TAFA2: variants seen among roughly 807,000 people sequenced by gnomAD.
The protein encoded by TAFA2 is TAFA chemokine like family member 2.
A neutral mutation model predicts 18.8 loss-of-function variants in TAFA2; 7 were observed. The ratio of observed to expected loss-of-function variants is 0.37; its 90% CI spans 0.21 to 0.70. The LOEUF (loss-of-function observed/expected upper bound fraction) is 0.70, where lower values mean the gene tolerates loss of function less well. Ranked by LOEUF, TAFA2 falls within the 30% of genes least tolerant of loss-of-function variation. The pLI is 0.53. For synonymous variants in TAFA2, 60 were observed against 54.2 expected, an observed-to-expected ratio of 1.11 and a Z score of -0.47; for missense variants, 122 against 158.1, an observed-to-expected ratio of 0.77 and a Z score of 1.23.
intron 2 of TAFA2, among the ~76,000 whole-genome samples, chr12:61,850,305 T>A (rs1873589174): frequency 6.6e-6 from 1 of 151,826 alleles, no homozygotes; most frequent in South Asian, 2.1e-4. Flanking sequence ...AATTCAATAA[T>A]TTTTTTTACT....
At chr12:62,066,311 CTTAAGTGTCCTT>C (rs1362258972) in intron 1 of TAFA2, among the ~76,000 whole-genome samples, 4 of 151,832 alleles carry the variant, frequency 2.6e-5, no homozygotes, top group Admixed American at 6.6e-5. Flanking sequence ...TTTAGTTATT[CTTAAGTGTCCTT>C]TTAAGTGTCC....
chr12:62,063,007 T>G (rs1882392411), intron 1 of TAFA2, among the ~76,000 whole-genome samples: 2 of 152,124 alleles, frequency 1.3e-5, no homozygotes, highest in Non-Finnish European at 2.9e-5. Flanking sequence ...TTCACTGCTT[T>G]GATGGACTCA....
chr12:61,941,413 A>G (rs915357349), intron 1 of TAFA2, among the ~76,000 whole-genome samples: 1 of 152,224 alleles, frequency 6.6e-6, no homozygotes, highest in African/African-American at 2.4e-5. Context: ...AGGCAAAACA[A>G]GATCTTGCCA....
intron 2 of TAFA2, among the ~76,000 whole-genome samples, chr12:61,820,932 G>GTGTATCCATAATCAATGGACAGA (rs1872294967): frequency 6.6e-6 from 1 of 151,918 alleles, no homozygotes; most frequent in Non-Finnish European, 1.5e-5. Flanking sequence ...CATTGGACAG[G>GTGTATCCATAATCAATGGACAGA]TGTATCCATA....
intron 1 of TAFA2, among the ~76,000 whole-genome samples, chr12:62,058,008 A>G (rs1419942231): frequency 1.3e-5 from 2 of 152,196 alleles, no homozygotes; most frequent in Non-Finnish European, 2.9e-5. Flanking sequence ...AAATACTTTC[A>G]TTTTGCTCTC....
chr12:61,738,236 C>G (rs1868338818), intron 4 of TAFA2, among the ~76,000 whole-genome samples: 1 of 150,612 alleles, frequency 6.6e-6, no homozygotes, highest in African/African-American at 2.4e-5. Flanking sequence ...CCAGGCTAAC[C>G]TCATCTAAAA....
intron 2 of TAFA2, among the ~76,000 whole-genome samples, chr12:61,764,939 C>A (rs987405866): frequency 2.0e-5 from 3 of 152,020 alleles, no homozygotes; most frequent in African/African-American, 4.8e-5. Flanking sequence ...GTCAATTCCA[C>A]GAGAGAGATC....
At chr12:62,240,794 G>A (rs1297181401) in intron 1 of TAFA2, among the ~76,000 whole-genome samples, 3 of 152,132 alleles carry the variant, frequency 2.0e-5, no homozygotes. Context: ...GTGAGCAGTG[G>A]GCAAGTGAGA....
At chr12:61,770,052 A>C (rs572399132) in intron 2 of TAFA2, among the ~76,000 whole-genome samples, 2 of 152,250 alleles carry the variant, frequency 1.3e-5, no homozygotes, top group South Asian at 4.1e-4. Flanking sequence ...AAAAACAATC[A>C]GAACTTCTGG....
chr12:61,980,931 T>A (rs1412107492), intron 1 of TAFA2, among the ~76,000 whole-genome samples: 3 of 152,192 alleles, frequency 2.0e-5, no homozygotes, highest in African/African-American at 7.2e-5. Flanking sequence ...TACCAATGAC[T>A]TTCTTCGCAG....
intron 4 of TAFA2, among the ~76,000 whole-genome samples, chr12:61,729,578 G>C (rs1429848000): frequency 6.6e-6 from 1 of 151,662 alleles, no homozygotes; most frequent in East Asian, 1.9e-4. Context: ...AGTTGTGATT[G>C]TTTTTTATTT....
Position 61,708,779 on chromosome 12 carries a change from C to T in TAFA2, c.*1627G>A, listed in dbSNP as rs939031569. 2 of 152,084 alleles carry T rather than the reference C, an allele frequency of 1.3e-5. No homozygotes were observed. The highest frequency in any genetic ancestry group is 2.9e-5 in the Non-Finnish European group (2 of 67,980). The allele number at this position is 152,084 out of a possible 1,614,324, so 9.4% of individuals were successfully genotyped here. On this transcript the variant is annotated 3_prime_UTR_variant, in exon 5 of 5. Transcript: ENST00000416284. ...AACCAATTTTACATTTTTAGTTGCT[C>T]TTCCCAGGAAAGTGTCTGAGTAGTG... is the stretch of plus-strand genomic sequence containing the variant.
chr12:62,213,978 A>G (rs1163126297), intron 1 of TAFA2, among the ~76,000 whole-genome samples: 3 of 152,232 alleles, frequency 2.0e-5, no homozygotes, highest in African/African-American at 7.2e-5. Flanking sequence ...TCAAGTTCCC[A>G]GTTTGCATCA....
chr12:61,929,116 C>T (rs533813929), intron 1 of TAFA2, among the ~76,000 whole-genome samples: 22 of 150,990 alleles, frequency 1.5e-4, no homozygotes, highest in Admixed American at 1.3e-3. Flanking sequence ...ATGTAACAAA[C>T]CTGCACGTTC....
At chr12:61,992,450 C>G (rs892324486) in intron 1 of TAFA2, among the ~76,000 whole-genome samples, 1 of 152,142 alleles carries the variant, frequency 6.6e-6, no homozygotes, top group Non-Finnish European at 1.5e-5. Context: ...ACTCCCTAAA[C>G]CCTCTTTGCC....
At chr12:62,077,975 A>G (rs1474520969) in intron 1 of TAFA2, among the ~76,000 whole-genome samples, 1 of 152,150 alleles carries the variant, frequency 6.6e-6, no homozygotes, top group Non-Finnish European at 1.5e-5. Context: ...TCTACTCCCT[A>G]TCACACATTC....
intron 1 of TAFA2, chr12:62,023,811 G>C (rs118162491): frequency 6.6e-6 from 1 of 151,544 alleles, no homozygotes; most frequent in African/African-American, 2.4e-5. Flanking sequence ...ATTAGGTACA[G>C]AAAAAAAACA....
At chr12:62,085,797 T>A (rs750989155) in intron 1 of TAFA2, among the ~76,000 whole-genome samples, 1 of 152,180 alleles carries the variant, frequency 6.6e-6, no homozygotes, top group Non-Finnish European at 1.5e-5. Context: ...TGTTTCTGTG[T>A]CCCCATCCTA....
chr12:62,085,811 T>G (rs1194137250), intron 1 of TAFA2, among the ~76,000 whole-genome samples: 2 of 152,168 alleles, frequency 1.3e-5, no homozygotes, highest in Non-Finnish European at 2.9e-5. Flanking sequence ...CATCCTAAAC[T>G]CCTGTTGAAT....
Sources: allele counts gnomAD v4.1 joint callset (sites outside exome capture counted in the v4.1 genomes callset), GRCh38; gene constraint gnomAD v4.1.1; transcripts MANE v1.5; gene names NCBI Gene and HGNC (gene_info 2026-07-23, HGNC 2026-07-21).